The following CDK14 variants were observed in gnomAD, a reference collection of about 807,000 sequenced individuals.
CDK14 encodes the protein cyclin dependent kinase 14.
A neutral mutation model predicts 60.7 loss-of-function variants in CDK14; 34 were observed. The ratio of observed to expected loss-of-function variants is 0.56; its 90% CI spans 0.43 to 0.75. The LOEUF (loss-of-function observed/expected upper bound fraction) is 0.75. Among genes scored for constraint, CDK14 ranks in the 30% least tolerant of loss-of-function variants. The pLI, the probability that CDK14 is intolerant of heterozygous loss-of-function variation, is 0.00. For synonymous variants in CDK14, 197 were observed against 203.7 expected, an observed-to-expected ratio of 0.97 and a Z score of 0.28; for missense variants, 482 against 564.1, an observed-to-expected ratio of 0.85 and a Z score of 1.47.
intron 2 of CDK14, among the ~76,000 whole-genome samples, chr7:90,637,659 T>G (rs1227338469): frequency 6.6e-6 from 1 of 151,458 alleles, no homozygotes; most frequent in African/African-American, 2.4e-5. Flanking sequence ...GTCCACTTGG[T>G]GCAGAGCTGA....
chr7:90,798,229 G>T (rs1340403804), intron 5 of CDK14, among the ~76,000 whole-genome samples: 2 of 149,454 alleles, frequency 1.3e-5, no homozygotes, highest in Admixed American at 6.6e-5. Context: ...TCAAGGAAGA[G>T]AAATTAAACT....
chr7:91,069,229 A>G (rs943007031), intron 11 of CDK14, among the ~76,000 whole-genome samples: 1 of 152,222 alleles, frequency 6.6e-6, no homozygotes, highest in African/African-American at 2.4e-5. Context: ...TTTCTCCTTT[A>G]AAAACTTATA....
chr7:90,600,993 G>T (rs1285049373), intron 1 of CDK14, among the ~76,000 whole-genome samples: 1 of 152,190 alleles, frequency 6.6e-6, no homozygotes, highest in Non-Finnish European at 1.5e-5. Context: ...CAATTAACAG[G>T]CATTTACAAT....
At chr7:90,986,859 A>G (rs886672844) in intron 10 of CDK14, among the ~76,000 whole-genome samples, 2 of 152,030 alleles carry the variant, frequency 1.3e-5, no homozygotes, top group African/African-American at 4.8e-5. Context: ...CTGTTGAACA[A>G]CAATAATGTA....
chr7:90,849,828 G>T (rs1790590121), intron 5 of CDK14, among the ~76,000 whole-genome samples: 1 of 151,954 alleles, frequency 6.6e-6, no homozygotes, highest in Admixed American at 6.6e-5. Context: ...ATCCATGTAT[G>T]GTTAGAACAT....
chr7:91,091,424 A>G (rs1399715259), intron 12 of CDK14, among the ~76,000 whole-genome samples: 1 of 143,208 alleles, frequency 7.0e-6, no homozygotes, highest in South Asian at 2.1e-4. Flanking sequence ...ACATATATAC[A>G]TATATAATTT....
chr7:90,850,079 C>T (rs1029844703), intron 5 of CDK14, among the ~76,000 whole-genome samples: 7 of 152,056 alleles, frequency 4.6e-5, no homozygotes, highest in Admixed American at 4.6e-4. Flanking sequence ...CTCCTAATGA[C>T]ATCCTATAGG....
intron 8 of CDK14, among the ~76,000 whole-genome samples, chr7:90,933,279 CAAA>C (rs565640721): frequency 6.8e-5 from 6 of 88,458 alleles, no homozygotes; most frequent in Admixed American, 1.1e-4. Context: ...AACCCTGTCT[CAAA>C]AAAAAAAAAA....
chr7:91,075,998 G>A (rs924441429), intron 11 of CDK14, among the ~76,000 whole-genome samples: 2 of 151,904 alleles, frequency 1.3e-5, no homozygotes, highest in African/African-American at 4.8e-5. Context: ...AACATTCCAT[G>A]CTCGTGGATA....
chr7:91,041,175 C>CT (rs34055384), intron 10 of CDK14, among the ~76,000 whole-genome samples: 60,701 of 142,580 alleles, frequency 0.43, 13,001 homozygotes, highest in East Asian at 0.64. Flanking sequence ...TGAGCTTGTC[C>CT]TTTTTTTTTT....
chr7:90,822,670 C>T (rs1004900038), intron 5 of CDK14, among the ~76,000 whole-genome samples: 6 of 152,124 alleles, frequency 3.9e-5, no homozygotes, highest in African/African-American at 1.4e-4. Context: ...AACTTAGGTG[C>T]ATAAATGAAT....
intron 2 of CDK14, among the ~76,000 whole-genome samples, chr7:90,699,303 G>A (rs1005848924): frequency 1.3e-5 from 2 of 152,174 alleles, no homozygotes; most frequent in Admixed American, 1.3e-4. Flanking sequence ...GGGAGTCTGT[G>A]GTTCCTAACA....
rs535130866 is a variant in CDK14 at position 91,108,557 on chromosome 7, A to G, written c.1155-3985A>G. 6.6e-5 allele frequency among the ~76,000 whole-genome samples: 10 copies of G among 152,268 alleles called. No homozygotes were observed. The East Asian group carries it at 1.7e-3, about 26-fold the overall frequency. On this transcript the variant is annotated intron_variant, in intron 12 of 14. Transcript: ENST00000380050. ...CTGTGAACAGTCTATGCCTTCTGTGATTTATTCCTTCAGTCATTTCAAACA... is the reference window on the plus strand; with the variant it reads ...CTGTGAACAGTCTATGCCTTCTGTGGTTTATTCCTTCAGTCATTTCAAACA...
At chr7:90,794,040 CA>C (rs1805942885) in intron 5 of CDK14, among the ~76,000 whole-genome samples, 1 of 151,832 alleles carries the variant, frequency 6.6e-6, no homozygotes. Context: ...GGAAAGAGTA[CA>C]AAAGAGAGAA....
chr7:91,194,424 T>C (rs6951153), intron 14 of CDK14, among the ~76,000 whole-genome samples: 11,182 of 152,216 alleles, frequency 0.073, 471 homozygotes, highest in Admixed American at 0.15. Flanking sequence ...TGGAGCTGAT[T>C]GGGCTGATTT....
chr7:90,973,844 A>G (rs1392999387), intron 9 of CDK14, among the ~76,000 whole-genome samples: 1 of 152,156 alleles, frequency 6.6e-6, no homozygotes, highest in African/African-American at 2.4e-5. Context: ...AGAATTACTG[A>G]TGAGGGTCTG....
At chr7:90,769,918 G>A (rs181575004) in intron 4 of CDK14, among the ~76,000 whole-genome samples, 20 of 152,344 alleles carry the variant, frequency 1.3e-4, no homozygotes, top group African/African-American at 4.6e-4. Flanking sequence ...GCCAACTTGT[G>A]TGAAAGGCAT....
At chr7:91,145,482 A>G (rs539208155) in intron 14 of CDK14, among the ~76,000 whole-genome samples, 1 of 152,282 alleles carries the variant, frequency 6.6e-6, no homozygotes, top group Non-Finnish European at 1.5e-5. Flanking sequence ...CTAGACAGTA[A>G]CCGTTGTTTG....
At chr7:90,959,792 A>G (rs888594631) in intron 9 of CDK14, among the ~76,000 whole-genome samples, 8 of 152,194 alleles carry the variant, frequency 5.3e-5, no homozygotes, top group African/African-American at 1.9e-4. Context: ...CTTGCAATGA[A>G]CAAACAACCC....
Sources: allele counts gnomAD v4.1 joint callset (sites outside exome capture counted in the v4.1 genomes callset), GRCh38; gene constraint gnomAD v4.1.1; transcripts MANE v1.5; gene names NCBI Gene and HGNC (gene_info 2026-07-23, HGNC 2026-07-21).